Variants in PLPPR4 observed in about 807,000 individuals in gnomAD.
PLPPR4 encodes the protein phospholipid phosphatase-related protein type 4.
In PLPPR4, 24 loss-of-function variants were observed where a neutral mutation model predicts 56.6. The ratio of observed to expected loss-of-function variants is 0.42; its 90% CI spans 0.31 to 0.60. PLPPR4 has a LOEUF of 0.60. Among genes scored for constraint, PLPPR4 ranks in the 20% least tolerant of loss-of-function variants. PLPPR4 has a pLI of 0.13. For missense variants in PLPPR4, 654 were observed against 885.8 expected, an observed-to-expected ratio of 0.74 and a Z score of 3.32; for synonymous variants, 326 against 328.1, an observed-to-expected ratio of 0.99 and a Z score of 0.07.
intron 2 of PLPPR4, among the ~76,000 whole-genome samples, chr1:99,294,497 A>C (rs1293475390): frequency 6.6e-6 from 1 of 152,118 alleles, no homozygotes; most frequent in African/African-American, 2.4e-5. Context: ...GGAGTTTGAG[A>C]CCAGCCTGGA....
chr1:99,296,959 A>T (rs769776775), intron 3 of PLPPR4, 92 bp downstream of exon 3: 15 of 1,187,376 alleles, frequency 1.3e-5, no homozygotes, highest in Non-Finnish European at 1.7e-5. Flanking sequence ...CGTACGCTAT[A>T]ATTTAGATGT....
intron 1 of PLPPR4, among the ~76,000 whole-genome samples, chr1:99,276,554 A>G (rs778021188): frequency 6.6e-6 from 1 of 152,106 alleles, no homozygotes; most frequent in Non-Finnish European, 1.5e-5. Flanking sequence ...TTAAATCTCA[A>G]AATCAGAAAT....
intron 1 of PLPPR4, among the ~76,000 whole-genome samples, chr1:99,281,690 T>A (rs1004184395): frequency 6.6e-6 from 1 of 152,178 alleles, no homozygotes; most frequent in Non-Finnish European, 1.5e-5. Context: ...ATCTTCTTCA[T>A]GGCTACAGGC....
At chr1:99,264,353 G>T, upstream of PLPPR4, 1 of 1,056,616 alleles carries the variant, frequency 9.5e-7, no homozygotes, top group South Asian at 1.8e-5. Context: ...CAGAAAAACG[G>T]GGAGCAGGAG....
At chr1:99,303,489 A>G (rs35756953) in intron 6 of PLPPR4, among the ~76,000 whole-genome samples, 272 of 152,308 alleles carry the variant, frequency 1.8e-3, no homozygotes, top group Non-Finnish European at 3.3e-3. Context: ...TAAAACTGCC[A>G]GGTCATAAAA....
Position 99,299,087 on chromosome 1 carries a change from G to A in PLPPR4, c.447G>A (p.Gln149=). ...CSTALITDII[Q]LSTGYQAPYF... ...CAGCTCTCATTACAGATATCATACA[G>A]CTGTCCACAGGATATCAAGCACCTT... Residue 149 remains glutamine, a synonymous_variant, in exon 4 of 7, where the codon CAG becomes CAA. Transcript: ENST00000370185. 1 of 1,613,488 alleles carries A rather than the reference G, an allele frequency of 6.2e-7. No homozygotes were observed. The highest frequency in any genetic ancestry group is 1.1e-5 in the South Asian group (1 of 91,064).
intron 1 of PLPPR4, among the ~76,000 whole-genome samples, chr1:99,286,850 T>C (rs1382077523): frequency 6.6e-6 from 1 of 152,220 alleles, no homozygotes; most frequent in Non-Finnish European, 1.5e-5. Context: ...TGGATTTTAT[T>C]CAAGTTGAGT....
Position 99,264,655 on chromosome 1 carries a change from G to T in PLPPR4, c.62G>T (p.Cys21Phe). Residue 21 changes from cysteine to phenylalanine, a missense_variant, in exon 1 of 7, where the codon TGC becomes TTC. Cys to Phe is a radical substitution (Grantham distance 205). Coordinates refer to ENST00000370185, the MANE Select transcript of PLPPR4 (RefSeq NM_014839.5). ...AAGGACAGCGTCACCCTCCTGCCCT[G>T]CTTTTATTTCGTCGAGGTGAGTTGG... Reference protein sequence around the residue: ...VIKDSVTLLPCFYFVELPILA... With the variant: ...VIKDSVTLLPFFYFVELPILA... 1 of 1,550,604 alleles carries T rather than the reference G, an allele frequency of 6.4e-7. No homozygotes were observed. The highest frequency in any genetic ancestry group is 8.7e-7 in the Non-Finnish European group (1 of 1,146,968).
chr1:99,305,924 G>A lies in PLPPR4; in HGVS notation c.1062G>A (p.Arg354=), dbSNP rs778571216. 6.2e-6 allele frequency: 10 copies of A among 1,613,900 alleles called. No individual in the cohort carries two copies. In the East Asian group the frequency reaches 6.7e-5, roughly 11 times the overall value. The part of the protein sequence containing the change: ...ANADVEIITP[R]SPMGKENMVT... ...CTGATGTGGAAATCATTACTCCACG[G>A]AGCCCCATGGGGAAGGAGAACATGG... Residue 354 remains arginine (R), a synonymous_variant, in exon 7 of 7, where the codon CGG becomes CGA. Transcript: ENST00000370185.
At chr1:99,286,663 G>A (rs1310014167) in intron 1 of PLPPR4, among the ~76,000 whole-genome samples, 2 of 152,056 alleles carry the variant, frequency 1.3e-5, no homozygotes, top group Admixed American at 6.6e-5. Context: ...GAGCACAAAA[G>A]GAAGAAGAAA....
At chr1:99,298,503 T>G (rs1659801202) in intron 3 of PLPPR4, among the ~76,000 whole-genome samples, 1 of 152,160 alleles carries the variant, frequency 6.6e-6, no homozygotes, top group Non-Finnish European at 1.5e-5. Context: ...GTACCTAGGA[T>G]ACGATTGTCA....
chr1:99,288,217 T>C (rs1659521499), intron 2 of PLPPR4, 67 bp downstream of exon 2: 1 of 1,413,442 alleles, frequency 7.1e-7, no homozygotes, highest in South Asian at 1.3e-5. Context: ...ATTTGTATAA[T>C]AAATGGGTTC....
At chr1:99,284,216 T>C (rs1659409230) in intron 1 of PLPPR4, among the ~76,000 whole-genome samples, 1 of 152,196 alleles carries the variant, frequency 6.6e-6, no homozygotes, top group African/African-American at 2.4e-5. Context: ...TTGTTGAGCA[T>C]TTCAAAAGAT....
At chr1:99,293,156 T>C (rs1430324816) in intron 2 of PLPPR4, among the ~76,000 whole-genome samples, 2 of 152,094 alleles carry the variant, frequency 1.3e-5, no homozygotes, top group African/African-American at 4.8e-5. Flanking sequence ...ACAAAAGGCC[T>C]CGCTTCAGCC....
intron 3 of PLPPR4, among the ~76,000 whole-genome samples, chr1:99,298,583 A>C (rs1659803578): frequency 6.6e-6 from 1 of 152,154 alleles, no homozygotes; most frequent in South Asian, 2.1e-4. Flanking sequence ...CACAGCTTGA[A>C]GAGAATTAGA....
intron 1 of PLPPR4, among the ~76,000 whole-genome samples, chr1:99,280,250 G>C (rs1253480753): frequency 6.6e-6 from 1 of 152,160 alleles, no homozygotes; most frequent in African/African-American, 2.4e-5. Context: ...TGGGGGCTTT[G>C]TGGCTGTTGC....
intron 1 of PLPPR4, among the ~76,000 whole-genome samples, chr1:99,266,043 T>G (rs577679514): frequency 6.6e-6 from 1 of 152,322 alleles, no homozygotes; most frequent in African/African-American, 2.4e-5. Context: ...CAAGAGATTT[T>G]TGGGAACATG....
chr1:99,298,879 A>G, intron 3 of PLPPR4, 156 bp from the exon 4 acceptor site: 2 of 702,604 alleles, frequency 2.8e-6, no homozygotes, highest in Non-Finnish European at 5.1e-6. Flanking sequence ...GTATCTGTTT[A>G]GAAGTTTAGG....
At chr1:99,299,588 T>C (rs916426104) in intron 4 of PLPPR4, among the ~76,000 whole-genome samples, 3 of 152,040 alleles carry the variant, frequency 2.0e-5, no homozygotes, top group Non-Finnish European at 4.4e-5. Context: ...CTTGTACTGG[T>C]TTAAAAACTA....
Sources: allele counts gnomAD v4.1 joint callset (sites outside exome capture counted in the v4.1 genomes callset), GRCh38; gene constraint gnomAD v4.1.1; transcripts MANE v1.5; gene names NCBI Gene and HGNC (gene_info 2026-07-23, HGNC 2026-07-21).